ADRA1B: variants seen among roughly 807,000 people sequenced by gnomAD.
The protein encoded by ADRA1B is alpha-1B adrenergic receptor.
Under a neutral mutation model 17.9 loss-of-function variants are expected in ADRA1B, and 17 were observed. That is an observed-to-expected ratio of 0.95 (90% CI 0.65 to 1.42). The LOEUF (loss-of-function observed/expected upper bound fraction) is 1.42, where lower values mean the gene tolerates loss of function less well. Among genes scored for constraint, ADRA1B ranks in the 40% most tolerant of loss-of-function variants. The pLI is 0.00. For missense variants in ADRA1B, 681 were observed against 722.1 expected (o/e 0.94, Z 0.65); for synonymous variants, 366 against 327.6 (o/e 1.12, Z -1.27).
chr5:159,969,307 GC>G lies in ADRA1B; in HGVS notation c.950-2566del, dbSNP rs5872623. 8.9e-3 allele frequency among the ~76,000 whole-genome samples: 1,361 copies of G among 152,286 alleles called. 28 individuals carry two copies. The highest frequency in any genetic ancestry group is 0.03 in the African/African-American group (1,231 of 41,556). ...CTCCTGCACCAGGAGCCCAGCCATT[GC>G]CCCCCAGCAGCCACTACTGAGTTAC... On this transcript the variant is annotated intron_variant, in intron 1 of 1. Coordinates refer to ENST00000306675, the MANE Select transcript of ADRA1B (RefSeq NM_000679.4).
At chr5:159,866,128 C>A (rs761234784) in intron 1 of ADRA1B, among the ~76,000 whole-genome samples, 1 of 151,496 alleles carries the variant, frequency 6.6e-6, no homozygotes, top group Non-Finnish European at 1.5e-5. Flanking sequence ...ATAGTGAAAC[C>A]TCATATCTAC....
chr5:159,923,629 A>G (rs1156341031), intron 1 of ADRA1B, among the ~76,000 whole-genome samples: 1 of 152,256 alleles, frequency 6.6e-6, no homozygotes, highest in Non-Finnish European at 1.5e-5. Context: ...GCGAGGAACA[A>G]TCTGCCAGAC....
chr5:159,867,450 C>G (rs1460334134), intron 1 of ADRA1B, among the ~76,000 whole-genome samples: 1 of 152,182 alleles, frequency 6.6e-6, no homozygotes, highest in Non-Finnish European at 1.5e-5. Context: ...AACTGATTCA[C>G]CATCTTGCTG....
chr5:159,911,544 G>A (rs541635047), upstream of ADRA1B, among the ~76,000 whole-genome samples: 1 of 152,320 alleles, frequency 6.6e-6, no homozygotes, highest in East Asian at 1.9e-4. Context: ...GCTGCAAAGG[G>A]CTGCCACTGA....
chr5:159,868,144 G>T (rs1421291693), intron 1 of ADRA1B: 1 of 152,130 alleles, frequency 6.6e-6, no homozygotes, highest in South Asian at 2.1e-4. Context: ...ACCACATAGG[G>T]TCATTGCAAA....
intron 1 of ADRA1B, among the ~76,000 whole-genome samples, chr5:159,962,669 CT>C (rs113639158): frequency 0.063 from 7,800 of 124,728 alleles, 136 homozygotes; most frequent in Non-Finnish European, 0.078. Context: ...TGTTTTTCAG[CT>C]TTTTTTTTTT....
chr5:159,886,430 G>C (rs188134838), intron 1 of ADRA1B, among the ~76,000 whole-genome samples: 8 of 152,328 alleles, frequency 5.3e-5, no homozygotes, highest in Admixed American at 5.2e-4. Context: ...TCACCAGCAA[G>C]GAAATTAAGC....
At chr5:159,921,754 A>G (rs543294139) in intron 1 of ADRA1B, among the ~76,000 whole-genome samples, 2 of 152,340 alleles carry the variant, frequency 1.3e-5, no homozygotes, top group South Asian at 2.1e-4. Context: ...ATTGGAACAA[A>G]ATAGAAATCC....
intron 1 of ADRA1B, among the ~76,000 whole-genome samples, chr5:159,923,391 C>A (rs1430656943): frequency 2.6e-5 from 4 of 152,244 alleles, no homozygotes; most frequent in African/African-American, 4.8e-5. Context: ...TGATGATGAC[C>A]TAGACTAGGC....
At chr5:159,959,808 TAA>T (rs55764573) in intron 1 of ADRA1B, among the ~76,000 whole-genome samples, 4,019 of 144,630 alleles carry the variant, frequency 0.028, 171 homozygotes, top group African/African-American at 0.095. Flanking sequence ...TTTAAAAATG[TAA>T]AAAAAAAAAA....
At position 159,948,328 on chromosome 5, in the gene ADRA1B, T is replaced by C. The variant is rs1581059428; in HGVS notation, c.950-23551T>C. The C allele has an allele frequency of 3.0e-6, 3 of 985,394 alleles. No individual in the cohort carries two copies. The South Asian group carries it at 1.4e-4, about 46-fold the overall frequency. The allele number at this position is 985,394 out of a possible 1,614,324, so 61.0% of individuals were successfully genotyped here. A position where few individuals can be genotyped will look rare whatever the true frequency, so the allele number is the denominator to read the frequency against. On this transcript the variant is annotated intron_variant, in intron 1 of 1. Transcript: ENST00000306675. Reference sequence around the variant, plus strand: ...AAGCACTTTATGCTCACCCTTTCATTTGAGTTTCCTGGTATCTCAACAAGG... The same window carrying C: ...AAGCACTTTATGCTCACCCTTTCATCTGAGTTTCCTGGTATCTCAACAAGG...
At chr5:159,900,585 T>C (rs1382364901) in intron 1 of ADRA1B, among the ~76,000 whole-genome samples, 1 of 152,238 alleles carries the variant, frequency 6.6e-6, no homozygotes, top group East Asian at 1.9e-4. Flanking sequence ...ACTAGATCTG[T>C]CCAGTGTAGT....
At chr5:159,879,028 C>T (rs1753829619) in intron 1 of ADRA1B, among the ~76,000 whole-genome samples, 1 of 152,082 alleles carries the variant, frequency 6.6e-6, no homozygotes, top group Non-Finnish European at 1.5e-5. Context: ...TGAGGCAGGT[C>T]GGGTCTGCTA....
At chr5:159,927,103 G>C (rs1438956373) in intron 1 of ADRA1B, among the ~76,000 whole-genome samples, 2 of 152,072 alleles carry the variant, frequency 1.3e-5, no homozygotes, top group African/African-American at 4.8e-5. Context: ...CACAAGGTAG[G>C]ATCTTGAAAA....
Position 159,917,836 on chromosome 5 carries a change from T to G in ADRA1B, c.931T>G (p.Phe311Val). 1.2e-6 allele frequency: 2 copies of G among 1,608,366 alleles called. No individual in the cohort carries two copies. The highest frequency in any genetic ancestry group is 1.7e-6 in the Non-Finnish European group (2 of 1,177,852). Residue 311 changes from phenylalanine to valine, a missense_variant, in exon 1 of 2, where the codon TTC becomes GTC. Phe to Val is a conservative substitution (Grantham distance 50, BLOSUM62 -1). Coordinates refer to ENST00000306675, the MANE Select transcript of ADRA1B (RefSeq NM_000679.4). ...GTTCATCTTGTGCTGGCTACCCTTC[T>G]TCATCGCTCTACCGCTTGGTAAGTT... Reference protein sequence around the residue: ...GMFILCWLPFFIALPLGSLFS... With the variant: ...GMFILCWLPFVIALPLGSLFS...
At chr5:159,981,620 C>A in the ADRA1B span, among the ~76,000 whole-genome samples, 8 of 152,212 alleles carry the variant, frequency 5.3e-5, no homozygotes, top group East Asian at 1.4e-3. Context: ...CTCAGCCTCC[C>A]GAATAGCTGG....
chr5:159,905,520 C>G (rs952002485), intron 1 of ADRA1B, among the ~76,000 whole-genome samples: 1 of 152,218 alleles, frequency 6.6e-6, no homozygotes, highest in African/African-American at 2.4e-5. Context: ...TTCACTCACT[C>G]ATCTAATAAA....
At chr5:159,960,234 G>T (rs1000198034) in intron 1 of ADRA1B, among the ~76,000 whole-genome samples, 1 of 152,206 alleles carries the variant, frequency 6.6e-6, no homozygotes, top group African/African-American at 2.4e-5. Context: ...AGAGAAAAGG[G>T]TATCTCAGAC....
chr5:159,922,167 T>C (rs980614822), intron 1 of ADRA1B, among the ~76,000 whole-genome samples: 2 of 152,172 alleles, frequency 1.3e-5, no homozygotes, highest in African/African-American at 4.8e-5. Context: ...CCTGGTGAGA[T>C]TGTATTTGTT....
Sources: gnomAD v4.1 joint callset for allele counts (sites outside exome capture counted in the v4.1 genomes callset) on GRCh38, gnomAD v4.1.1 for gene constraint, MANE v1.5 for transcripts, NCBI Gene and HGNC (gene_info 2026-07-23, HGNC 2026-07-21) for gene names.